The following SHISA9 variants were observed in gnomAD, a reference collection of about 807,000 sequenced individuals.
SHISA9 encodes the protein shisa family member 9, also known as protein shisa-9.
SHISA9 carries 13 observed loss-of-function variants against 38.0 expected under a neutral mutation model. The observed-to-expected ratio is 0.34, with a 90% confidence interval of 0.22 to 0.54. The LOEUF is 0.54. Among genes scored for constraint, SHISA9 ranks in the 20% least tolerant of loss-of-function variants. SHISA9 has a pLI of 0.91. For synonymous variants in SHISA9, 275 were observed against 242.0 expected (o/e 1.14, Z -1.27); for missense variants, 538 against 575.8 (o/e 0.93, Z 0.67).
At chr16:13,342,689 C>T in the SHISA9 span, among the ~76,000 whole-genome samples, 1 of 152,332 alleles carries the variant, frequency 6.6e-6, no homozygotes, top group East Asian at 1.9e-4. Flanking sequence ...TTTACACCAT[C>T]ACTTTCCCCA....
intron 2 of SHISA9, among the ~76,000 whole-genome samples, chr16:13,147,964 G>C (rs1313987458): frequency 1.3e-5 from 2 of 152,182 alleles, no homozygotes; most frequent in Non-Finnish European, 2.9e-5. Context: ...TAGGGACTGA[G>C]GTCCGAGAGG....
intron 2 of SHISA9, among the ~76,000 whole-genome samples, chr16:13,199,171 A>G (rs1356964539): frequency 3.3e-5 from 5 of 152,212 alleles, no homozygotes; most frequent in Non-Finnish European, 7.3e-5. Context: ...GACGGATCAA[A>G]CAGATGAGAG....
chr16:13,296,838 C>A, the SHISA9 span, among the ~76,000 whole-genome samples: 1 of 120,876 alleles, frequency 8.3e-6, no homozygotes. Flanking sequence ...TTGCAGTGAG[C>A]TGAGAGCATG....
intron 2 of SHISA9, among the ~76,000 whole-genome samples, chr16:12,944,406 A>G (rs2071662917): frequency 6.6e-6 from 1 of 152,234 alleles, no homozygotes; most frequent in Non-Finnish European, 1.5e-5. Flanking sequence ...CAGTCAATAC[A>G]TGCTAGCATC....
chr16:13,381,991 A>G, the SHISA9 span, among the ~76,000 whole-genome samples: 2 of 152,248 alleles, frequency 1.3e-5, no homozygotes, highest in Non-Finnish European at 2.9e-5. Context: ...TTAGAAAAAT[A>G]TGAATTATAC....
intron 2 of SHISA9, among the ~76,000 whole-genome samples, chr16:12,970,497 A>T (rs8063498): frequency 0.026 from 465 of 17,606 alleles, 65 homozygotes; most frequent in Admixed American, 0.037. Context: ...ATATATATAT[A>T]TTTTTTTTTT....
At chr16:13,260,482 C>T in the SHISA9 span, among the ~76,000 whole-genome samples, 5 of 152,196 alleles carry the variant, frequency 3.3e-5, no homozygotes, top group South Asian at 1.0e-3. Flanking sequence ...TTTTCAAGTT[C>T]AAAATTCCAC....
the SHISA9 span, among the ~76,000 whole-genome samples, chr16:13,276,687 A>C: frequency 6.6e-6 from 1 of 151,966 alleles, no homozygotes; most frequent in Non-Finnish European, 1.5e-5. Context: ...ACATTTTTTC[A>C]TATGTTTGTT....
the SHISA9 span, among the ~76,000 whole-genome samples, chr16:13,542,966 T>C: frequency 6.6e-6 from 1 of 152,166 alleles, no homozygotes; most frequent in Non-Finnish European, 1.5e-5. Flanking sequence ...GCAACTCCAA[T>C]AGTGATTTTA....
At chr16:13,515,282 A>G in the SHISA9 span, among the ~76,000 whole-genome samples, 1 of 152,198 alleles carries the variant, frequency 6.6e-6, no homozygotes, top group African/African-American at 2.4e-5. Context: ...GAATGACACT[A>G]AAATAAATGT....
the SHISA9 span, among the ~76,000 whole-genome samples, chr16:13,373,937 G>C: frequency 6.6e-6 from 1 of 152,160 alleles, no homozygotes; most frequent in East Asian, 1.9e-4. Flanking sequence ...TGCTGAGATG[G>C]AGTTTGGGCA....
intron 2 of SHISA9, among the ~76,000 whole-genome samples, chr16:13,179,309 C>G (rs1268786263): frequency 6.6e-6 from 1 of 151,494 alleles, no homozygotes; most frequent in Non-Finnish European, 1.5e-5. Context: ...AAGACTCTGT[C>G]TCAATAAAAC....
chr16:13,514,123 T>C, the SHISA9 span, among the ~76,000 whole-genome samples: 1 of 151,976 alleles, frequency 6.6e-6, no homozygotes, highest in Non-Finnish European at 1.5e-5. Flanking sequence ...GCCTCCTGAG[T>C]AGCTGGGAAT....
chr16:12,973,150 T>C (rs1005050145), intron 2 of SHISA9, among the ~76,000 whole-genome samples: 2 of 152,192 alleles, frequency 1.3e-5, no homozygotes, highest in Admixed American at 6.5e-5. Context: ...AAATAATAGA[T>C]TTTGTTAGCA....
At chr16:13,516,371 A>C in the SHISA9 span, among the ~76,000 whole-genome samples, 1 of 152,234 alleles carries the variant, frequency 6.6e-6, no homozygotes, top group African/African-American at 2.4e-5. Context: ...CCTAAGATTG[A>C]AACCACATTT....
At chr16:13,549,141 C>G in the SHISA9 span, among the ~76,000 whole-genome samples, 3 of 152,184 alleles carry the variant, frequency 2.0e-5, no homozygotes, top group Non-Finnish European at 4.4e-5. Flanking sequence ...CACAATCTCT[C>G]TCATGTGTAG....
Position 12,953,818 on chromosome 16 carries a change from G to T in SHISA9, c.691+37003G>T, listed in dbSNP as rs2202077. 9.9e-3 allele frequency among the ~76,000 whole-genome samples: 1,511 copies of T among 152,206 alleles called. 6 individuals carry two copies. Among genetic ancestry groups the T allele is most frequent in the East Asian group, 0.028 (146 of 5,150 alleles). Reference sequence around the variant, plus strand: ...GGGAGGCCTCAGGAAACTTACAATCGTGGTGGAAGGCAAAGGGGAAACAAG... The same window carrying T: ...GGGAGGCCTCAGGAAACTTACAATCTTGGTGGAAGGCAAAGGGGAAACAAG... On this transcript the variant is annotated intron_variant, in intron 2 of 4. Transcript: ENST00000558583.
At chr16:13,520,936 C>G in the SHISA9 span, among the ~76,000 whole-genome samples, 1 of 152,160 alleles carries the variant, frequency 6.6e-6, no homozygotes, top group African/African-American at 2.4e-5. Flanking sequence ...ATGATCAAAT[C>G]ATTGTAATTA....
chr16:13,055,069 C>T (rs895600689), intron 2 of SHISA9, among the ~76,000 whole-genome samples: 1 of 152,062 alleles, frequency 6.6e-6, no homozygotes, highest in Non-Finnish European at 1.5e-5. Flanking sequence ...AATTAATAGG[C>T]CTTCTCCTAA....
Sources: allele counts gnomAD v4.1 joint callset (sites outside exome capture counted in the v4.1 genomes callset), GRCh38; gene constraint gnomAD v4.1.1; transcripts MANE v1.5; gene names NCBI Gene and HGNC (gene_info 2026-07-23, HGNC 2026-07-21).